Variants in ZNF324B observed in about 807,000 individuals in gnomAD.
ZNF324B encodes the protein zinc finger protein 324B.
Under a neutral mutation model 10.6 loss-of-function variants are expected in ZNF324B, and 7 were observed. The ratio of observed to expected loss-of-function variants is 0.66; its 90% CI spans 0.38 to 1.24. ZNF324B has a LOEUF of 1.24. Among genes scored for constraint, ZNF324B ranks in the 50% most tolerant of loss-of-function variants. The probability of loss-of-function intolerance (pLI) is 0.02; values close to 1 mark genes in which losing one functional copy is unlikely to be tolerated. For missense variants in ZNF324B, 640 were observed against 764.7 expected (o/e 0.84, Z 1.92); for synonymous variants, 316 against 321.0 (o/e 0.98, Z 0.17).
At chr19:58,440,105 A>T in the ZNF324B span, 1 of 470,068 alleles carries the variant, frequency 2.1e-6, no homozygotes, top group South Asian at 2.7e-5. Flanking sequence ...GTGTGGCTCC[A>T]GAGGCCTGCT....
chr19:58,434,538 G>C, the ZNF324B span: 2 of 1,614,176 alleles, frequency 1.2e-6, no homozygotes, highest in Non-Finnish European at 8.5e-7. Context: ...GCTTAGATGA[G>C]TGACTAAAGG....
chr19:58,431,636 T>C, the ZNF324B span, among the ~76,000 whole-genome samples: 1 of 151,776 alleles, frequency 6.6e-6, no homozygotes, highest in Admixed American at 6.6e-5. Flanking sequence ...ATGGGGGAGG[T>C]CAAAGAAACA....
chr19:58,457,218 A>C lies in ZNF324B; in HGVS notation c.*639A>C, dbSNP rs999812517. 3 of 154,392 alleles carry C rather than the reference A, an allele frequency of 1.9e-5. No individual in the cohort carries two copies. The highest frequency in any genetic ancestry group is 7.2e-5 in the African/African-American group (3 of 41,480). The allele number at this position is 154,392 out of a possible 1,614,324, so 9.6% of individuals were successfully genotyped here. ...TGAGAGTCAATGTGTGCTCACTGCCAGCTCCTGGGCTGTGCTCTGGTCAGC... is the reference window on the plus strand; with the variant it reads ...TGAGAGTCAATGTGTGCTCACTGCCCGCTCCTGGGCTGTGCTCTGGTCAGC... On this transcript the variant is annotated 3_prime_UTR_variant, in exon 4 of 4. Coordinates refer to ENST00000336614, the MANE Select transcript of ZNF324B (RefSeq NM_207395.3).
At position 58,453,758 on chromosome 19, in the gene ZNF324B, C is replaced by G. The variant is rs1471014446; in HGVS notation, c.57C>G (p.Asp19Glu). 1 of 1,614,086 alleles carries G rather than the reference C, an allele frequency of 6.2e-7. No homozygotes were observed. The change falls in exon 2 of 4, where the codon GAC becomes GAG. Residue 19 changes from aspartate (D) to glutamate (E), a missense_variant. Physicochemically the swap from Asp to Glu is conservative, Grantham distance 45. Transcript: ENST00000336614. Reference sequence around the variant, plus strand: ...CCCAGGAGGAGTGGGGGCTCCTGGACACAGCGCAGAGGGCCCTGTACCGCC... The same window carrying G: ...CCCAGGAGGAGTGGGGGCTCCTGGAGACAGCGCAGAGGGCCCTGTACCGCC... ...YFSQEEWGLL[D>E]TAQRALYRHV... is the part of the protein sequence containing the mutation.
chr19:58,425,255 C>CAA, the ZNF324B span, among the ~76,000 whole-genome samples: 32 of 136,460 alleles, frequency 2.3e-4, no homozygotes, highest in East Asian at 3.2e-3. Flanking sequence ...GACTCCATCT[C>CAA]AAAAAAAAAA....
chr19:58,434,269 C>T, the ZNF324B span: 33 of 1,613,628 alleles, frequency 2.0e-5, no homozygotes, highest in African/African-American at 2.7e-5. Context: ...TTTCTGATGC[C>T]GAAGGAAATT....
chr19:58,426,405 C>T, the ZNF324B span, among the ~76,000 whole-genome samples: 1 of 152,130 alleles, frequency 6.6e-6, no homozygotes, highest in Admixed American at 6.6e-5. Context: ...TCTGTGTTGT[C>T]AGAAGTTCTG....
At chr19:58,441,320 T>C in the ZNF324B span, 4 of 152,374 alleles carry the variant, frequency 2.6e-5, no homozygotes, top group African/African-American at 9.7e-5. Flanking sequence ...GCAGGGAGAC[T>C]GTGGGGGAGG....
chr19:58,443,783 A>G, the ZNF324B span: 1 of 152,270 alleles, frequency 6.6e-6, no homozygotes, highest in Admixed American at 6.5e-5. Flanking sequence ...TTGTGGGGTC[A>G]CTGAGCATTG....
chr19:58,433,026 T>G, the ZNF324B span: 1 of 421,540 alleles, frequency 2.4e-6, no homozygotes. Flanking sequence ...CAGTCCTGAA[T>G]CCCTAGAGAA....
the ZNF324B span, chr19:58,433,509 A>G: frequency 1.2e-6 from 2 of 1,613,908 alleles, no homozygotes; most frequent in South Asian, 2.2e-5. Context: ...GAACTCTCTG[A>G]TGACGAACCA....
the ZNF324B span, chr19:58,434,957 C>T: frequency 2.6e-5 from 42 of 1,614,184 alleles, no homozygotes; most frequent in Admixed American, 7.0e-4. Flanking sequence ...CCACTGTGCT[C>T]CTTCTGGTGC....
At chr19:58,431,835 C>CA in the ZNF324B span, among the ~76,000 whole-genome samples, 6 of 152,082 alleles carry the variant, frequency 3.9e-5, no homozygotes, top group East Asian at 3.9e-4. Flanking sequence ...ACTAAAAATA[C>CA]AAAAAAATTA....
upstream of ZNF324B, among the ~76,000 whole-genome samples, chr19:58,448,510 G>A (rs1338420125): frequency 1.3e-5 from 2 of 152,126 alleles, no homozygotes; most frequent in Non-Finnish European, 2.9e-5. Flanking sequence ...GGATCATGAG[G>A]TCAGGAGATC....
At chr19:58,434,847 C>A in the ZNF324B span, 6 of 1,614,158 alleles carry the variant, frequency 3.7e-6, no homozygotes, top group South Asian at 6.6e-5. Flanking sequence ...CCAGGATGAC[C>A]TTCCCACCTT....
the ZNF324B span, chr19:58,440,739 A>C: frequency 2.0e-5 from 3 of 149,458 alleles, no homozygotes; most frequent in Non-Finnish European, 4.5e-5. Flanking sequence ...CTCAGGTTGC[A>C]CCGCGCGGAG....
the ZNF324B span, chr19:58,445,057 T>A: frequency 4.2e-6 from 1 of 240,934 alleles, no homozygotes. Flanking sequence ...CACTGCCAGC[T>A]GTCCTGGTGG....
chr19:58,439,655 A>C, the ZNF324B span: 1 of 1,271,626 alleles, frequency 7.9e-7, no homozygotes, highest in Non-Finnish European at 1.1e-6. Flanking sequence ...TGAGGACAGG[A>C]CACGATCAAG....
upstream of ZNF324B, among the ~76,000 whole-genome samples, chr19:58,447,196 T>G (rs927863174): frequency 2.6e-5 from 4 of 152,034 alleles, no homozygotes; most frequent in Non-Finnish European, 5.9e-5. Flanking sequence ...CAGGCTGGTC[T>G]CAAACTCCTG....
Sources: allele counts gnomAD v4.1 joint callset (sites outside exome capture counted in the v4.1 genomes callset), GRCh38; gene constraint gnomAD v4.1.1; transcripts MANE v1.5; gene names NCBI Gene and HGNC (gene_info 2026-07-23, HGNC 2026-07-21).